Variants in SLC27A2 observed in about 807,000 individuals in gnomAD.
SLC27A2 encodes the protein long-chain fatty acid transport protein 2.
A neutral mutation model predicts 60.0 loss-of-function variants in SLC27A2; 54 were observed. The observed-to-expected ratio is 0.90, with a 90% CI of 0.72 to 1.13. SLC27A2 has a LOEUF of 1.13. Among genes scored for constraint, SLC27A2 ranks in the 50% most tolerant of loss-of-function variants. SLC27A2 has a pLI of 0.00. For missense variants in SLC27A2, 739 were observed against 777.6 expected (o/e 0.95, Z 0.59); for synonymous variants, 297 against 297.6 (o/e 1.00, Z 0.02).
intron 1 of SLC27A2, among the ~76,000 whole-genome samples, chr15:50,188,566 A>T (rs1595679486): frequency 6.6e-6 from 1 of 152,322 alleles, no homozygotes; most frequent in East Asian, 1.9e-4. Context: ...AACTTAAATG[A>T]GTTGTTTCAA....
At chr15:50,225,852 G>C (rs535201541) in intron 5 of SLC27A2, 136 bp from the exon 6 acceptor site, 8 of 513,624 alleles carry the variant, frequency 1.6e-5, no homozygotes, top group Admixed American at 6.6e-5. Flanking sequence ...TCTCTCTCTG[G>C]GTGGCAGTTT....
intron 8 of SLC27A2, among the ~76,000 whole-genome samples, chr15:50,232,417 ATTTAT>A (rs1275711677): frequency 6.6e-6 from 1 of 151,460 alleles, no homozygotes; most frequent in East Asian, 1.9e-4. Context: ...TTTAATTATA[ATTTAT>A]TTTAGTTTTA....
chr15:50,196,078 ATATATATATATAT>A (rs1190603325), intron 1 of SLC27A2, among the ~76,000 whole-genome samples: 92 of 7,794 alleles, frequency 0.012, 19 homozygotes, highest in African/African-American at 0.025. Context: ...AAAAAAAAAA[ATATATATATATAT>A]ATATATATAT....
chr15:50,202,875 C>A (rs1004850264), intron 3 of SLC27A2, among the ~76,000 whole-genome samples: 5 of 152,020 alleles, frequency 3.3e-5, no homozygotes, highest in Admixed American at 3.3e-4. Context: ...TATCAAGAGA[C>A]AAACTCCTTT....
chr15:50,192,048 A>G (rs2044978496), intron 1 of SLC27A2, among the ~76,000 whole-genome samples: 3 of 150,888 alleles, frequency 2.0e-5, no homozygotes, highest in African/African-American at 4.9e-5. Context: ...TGACAGAGTG[A>G]GACTCCATCT....
At position 50,223,055 on chromosome 15, in the gene SLC27A2, G is replaced by T. The variant is rs2045254769; in HGVS notation, c.1063G>T (p.Asp355Tyr). ...VWRQFVKRFGDICIYEFYAAT... is the reference protein window; with the variant it reads ...VWRQFVKRFGYICIYEFYAAT... ...GAGACAATTTGTCAAGAGATTTGGGGACATATGCATCTATGAGTTCTATGC... is the reference window on the plus strand; with the variant it reads ...GAGACAATTTGTCAAGAGATTTGGGTACATATGCATCTATGAGTTCTATGC... The change falls in exon 5 of 10, where the codon GAC (aspartate) becomes TAC (tyrosine). Residue 355 changes from aspartate (D) to tyrosine (Y), a missense_variant. Physicochemically the swap from Asp to Tyr is radical, Grantham distance 160 (BLOSUM62 -3). Transcript: ENST00000267842. 3 of 1,613,978 alleles carry T rather than the reference G, an allele frequency of 1.9e-6. No individual in the cohort carries two copies. The highest frequency in any genetic ancestry group is 2.5e-6 in the Non-Finnish European group (3 of 1,179,900).
chr15:50,208,262 TAGTAGAGC>T (rs1265106461), intron 4 of SLC27A2, among the ~76,000 whole-genome samples: 1 of 152,212 alleles, frequency 6.6e-6, no homozygotes, highest in African/African-American at 2.4e-5. Context: ...GTAGCTTCTC[TAGTAGAGC>T]AGTGGGCTAT....
Position 50,233,871 on chromosome 15 carries a change from A to G in SLC27A2, c.1559A>G (p.His520Arg), listed in dbSNP as rs751900268. Residue 520 changes from histidine to arginine, a missense_variant, in exon 9 of 10, where the codon CAT (histidine) becomes CGT (arginine). Physicochemically the swap from His to Arg is conservative, Grantham distance 29. Transcript: ENST00000267842. ...TTTTTTCTCACTTTATTTCTAGATC[A>G]TGAGGGTCGCATTGGCATGGCCTCC... ...VNVYGVHVPD[H>R]EGRIGMASIK... 1.2e-6 allele frequency: 2 copies of G among 1,611,328 alleles called. No homozygotes were observed. Among genetic ancestry groups the G allele is most frequent in the East Asian group, 2.2e-5 (1 of 44,850 alleles).
intron 1 of SLC27A2, among the ~76,000 whole-genome samples, chr15:50,186,476 G>T (rs2044924322): frequency 6.6e-6 from 1 of 151,950 alleles, no homozygotes; most frequent in South Asian, 2.1e-4. Context: ...TCGCTCTGTT[G>T]CCCAGGCTGG....
intron 1 of SLC27A2, among the ~76,000 whole-genome samples, chr15:50,196,067 A>ATAAAAAAAAAAAATAAAAAAAAT (rs71424049): frequency 4.1e-5 from 1 of 24,120 alleles, no homozygotes; most frequent in Non-Finnish European, 8.7e-5. Flanking sequence ...AAAAAAAAAA[A>ATAAAAAAAAAAAATAAAAAAAAT]AAAAAAAAAA....
At chr15:50,195,097 A>C (rs1160252560) in intron 1 of SLC27A2, among the ~76,000 whole-genome samples, 1 of 152,188 alleles carries the variant, frequency 6.6e-6, no homozygotes, top group Non-Finnish European at 1.5e-5. Context: ...CAAAATTGAT[A>C]GGCCAAGAAC....
chr15:50,192,492 A>G (rs1157685752), intron 1 of SLC27A2, among the ~76,000 whole-genome samples: 1 of 152,118 alleles, frequency 6.6e-6, no homozygotes, highest in Non-Finnish European at 1.5e-5. Flanking sequence ...GCTTAATTAC[A>G]TTTCCTTTTA....
At chr15:50,203,673 T>C (rs567818546) in intron 3 of SLC27A2, among the ~76,000 whole-genome samples, 2 of 152,248 alleles carry the variant, frequency 1.3e-5, no homozygotes, top group South Asian at 4.2e-4. Context: ...TGCATGCATG[T>C]TATGGATGGA....
At chr15:50,217,571 A>T (rs930252480) in intron 4 of SLC27A2, among the ~76,000 whole-genome samples, 3 of 152,148 alleles carry the variant, frequency 2.0e-5, no homozygotes, top group East Asian at 1.9e-4. Context: ...GACATTGGAC[A>T]TGGGCTCACT....
At chr15:50,196,066 A>AATAAAAAAT (rs1567428304) in intron 1 of SLC27A2, among the ~76,000 whole-genome samples, 4 of 23,772 alleles carry the variant, frequency 1.7e-4, no homozygotes, top group African/African-American at 1.3e-4. Flanking sequence ...AAAAAAAAAA[A>AATAAAAAAT]AAAAAAAAAA....
intron 1 of SLC27A2, among the ~76,000 whole-genome samples, chr15:50,186,229 G>T (rs1355691803): frequency 6.6e-6 from 1 of 152,152 alleles, no homozygotes; most frequent in Non-Finnish European, 1.5e-5. Flanking sequence ...GGGTGATAGA[G>T]TGAGACCCTG....
chr15:50,186,659 C>T (rs1464981290), intron 1 of SLC27A2, among the ~76,000 whole-genome samples: 2 of 152,056 alleles, frequency 1.3e-5, no homozygotes, highest in African/African-American at 4.8e-5. Flanking sequence ...GGATGATCTC[C>T]ATCTCTTGAC....
At chr15:50,194,918 T>A (rs568435600) in intron 1 of SLC27A2, among the ~76,000 whole-genome samples, 1 of 152,330 alleles carries the variant, frequency 6.6e-6, no homozygotes, top group African/African-American at 2.4e-5. Context: ...ATTTTCATAG[T>A]CACATTTATG....
chr15:50,226,887 G>A, intron 6 of SLC27A2, 93 bp from the exon 7 acceptor site: 1 of 972,564 alleles, frequency 1.0e-6, no homozygotes, highest in Non-Finnish European at 1.5e-6. Flanking sequence ...CCAGCTTGTT[G>A]CCAGCAGGTT....
Sources: gnomAD v4.1 joint callset for allele counts (sites outside exome capture counted in the v4.1 genomes callset) on GRCh38, gnomAD v4.1.1 for gene constraint, MANE v1.5 for transcripts, NCBI Gene and HGNC (gene_info 2026-07-23, HGNC 2026-07-21) for gene names.